WDFY3: variants seen among roughly 807,000 people sequenced by gnomAD.
The protein encoded by WDFY3 is WD repeat and FYVE domain containing 3.
Under a neutral mutation model 409.6 loss-of-function variants are expected in WDFY3, and 66 were observed. That is an observed-to-expected ratio of 0.16 (90% CI 0.13 to 0.20). The LOEUF is 0.20. WDFY3 is among the 10% of genes least tolerant of loss of function. The pLI is 1.00. For synonymous variants in WDFY3, 1,521 were observed against 1,537.1 expected (o/e 0.99, Z 0.25); for missense variants, 3,031 against 4,298.1 (o/e 0.71, Z 8.24).
rs750839668 is a variant in WDFY3, at chr4:84,787,563, C to A, written c.3820G>T (p.Val1274Phe). The change falls in exon 23 of 68, where the codon GTT becomes TTT. Residue 1274 changes from valine to phenylalanine, a missense_variant. This residue lies in a region of WDFY3 where 1,322 missense variants were observed against 1,697.9 expected (regional missense o/e 0.78). Coordinates refer to ENST00000295888, the MANE Select transcript of WDFY3 (RefSeq NM_014991.6). ...GTAGTAACATTTGAAGAAGGTAAAACTTCTTCTAGAAAATGTGTGGGTCCC... is the reference window on the plus strand; with the variant it reads ...GTAGTAACATTTGAAGAAGGTAAAAATTCTTCTAGAAAATGTGTGGGTCCC... ...RLGPTHFLEE[V>F]LPSSNVTTIY... 1 of 1,614,138 alleles carries A rather than the reference C, an allele frequency of 6.2e-7. No individual in the cohort carries two copies.
chr4:84,962,405 T>A (rs886558843), intron 1 of WDFY3, among the ~76,000 whole-genome samples: 1 of 152,202 alleles, frequency 6.6e-6, no homozygotes, highest in African/African-American at 2.4e-5. Flanking sequence ...GGCTACATAA[T>A]GTATAATTCC....
intron 3 of WDFY3, among the ~76,000 whole-genome samples, chr4:84,861,001 A>G (rs1402274817): frequency 6.6e-6 from 1 of 152,134 alleles, no homozygotes. Flanking sequence ...GCTCGAGCTC[A>G]GGAGCTCGAG....
chr4:84,860,675 G>T, intron 3 of WDFY3, 53 bp from the exon 4 acceptor site: 4 of 1,387,270 alleles, frequency 2.9e-6, no homozygotes, highest in Non-Finnish European at 3.8e-6. Flanking sequence ...TCTTGACTAG[G>T]TCAAGCATGC....
At chr4:84,783,159 G>C in intron 24 of WDFY3, 85 bp from the exon 25 acceptor site, 2 of 1,221,850 alleles carry the variant, frequency 1.6e-6, no homozygotes, top group Non-Finnish European at 2.4e-6. Context: ...CACATGAATG[G>C]TAACATATCT....
At chr4:84,898,769 G>A (rs1297530237) in intron 2 of WDFY3, among the ~76,000 whole-genome samples, 3 of 152,084 alleles carry the variant, frequency 2.0e-5, no homozygotes, top group Non-Finnish European at 4.4e-5. Flanking sequence ...CAACAAAATG[G>A]AAAGTGAATT....
chr4:84,769,508 G>C (rs946393785), intron 30 of WDFY3, among the ~76,000 whole-genome samples: 1 of 151,814 alleles, frequency 6.6e-6, no homozygotes, highest in African/African-American at 2.4e-5. Flanking sequence ...TCCGCCTCCT[G>C]GGTTAACGCC....
intron 21 of WDFY3, among the ~76,000 whole-genome samples, chr4:84,793,540 G>A (rs1010056042): frequency 3.9e-5 from 6 of 152,160 alleles, no homozygotes; most frequent in African/African-American, 1.4e-4. Flanking sequence ...GTGAAACACT[G>A]GAGAATACTA....
At chr4:84,839,590 G>GC (rs1416027411) in intron 6 of WDFY3, among the ~76,000 whole-genome samples, 24 of 152,038 alleles carry the variant, frequency 1.6e-4, no homozygotes, top group Admixed American at 1.5e-3. Flanking sequence ...AGGCACAGTG[G>GC]CTCACGCCTG....
intron 4 of WDFY3, among the ~76,000 whole-genome samples, chr4:84,850,928 GTTTTTTTTTTTTTTTTTTTTTTTTTT>G (rs869074191): frequency 2.2e-4 from 10 of 46,252 alleles, no homozygotes; most frequent in East Asian, 1.8e-3. Context: ...TTATTTATCT[GTTTTTTTTTTTTTTTTTTTTTTTTTT>G]TTTTTTTTTT....
chr4:84,776,944 T>C (rs1046587928), intron 27 of WDFY3, among the ~76,000 whole-genome samples: 4 of 152,028 alleles, frequency 2.6e-5, no homozygotes, highest in African/African-American at 4.8e-5. Flanking sequence ...TATCCTAGTA[T>C]GAATAGGAGA....
At chr4:84,785,742 TATAA>T (rs1273388165) in intron 24 of WDFY3, among the ~76,000 whole-genome samples, 3 of 152,230 alleles carry the variant, frequency 2.0e-5, no homozygotes, top group Non-Finnish European at 4.4e-5. Flanking sequence ...TAATTGCCAA[TATAA>T]ATAAATTAAT....
intron 47 of WDFY3, among the ~76,000 whole-genome samples, chr4:84,719,666 A>G: frequency 1.3e-5 from 2 of 152,336 alleles, no homozygotes; most frequent in Middle Eastern, 6.8e-3. Flanking sequence ...ACATACATAC[A>G]TACATATATT....
intron 27 of WDFY3, among the ~76,000 whole-genome samples, chr4:84,777,980 T>C (rs1298218739): frequency 6.6e-6 from 1 of 151,978 alleles, no homozygotes; most frequent in Non-Finnish European, 1.5e-5. Flanking sequence ...TTTGAAAGAA[T>C]GAGGTCCCAA....
rs1215135327 is a variant in WDFY3, at chr4:84,784,891, T to TACACACAC, written c.4062+1080_4062+1087dup. Among the ~76,000 whole-genome samples, 82 of 36,912 alleles carry TACACACAC rather than the reference T, an allele frequency of 2.2e-3. 5 individuals carry two copies. The highest frequency in any genetic ancestry group is 6.0e-3 in the African/African-American group (79 of 13,064). 24.2% of individuals were successfully genotyped at this position (36,912 alleles called of 152,430 possible). ...ATATATATATATATATATATATATA[T>TACACACAC]ACACACACACACACACACACACACA... On this transcript the variant is annotated intron_variant, in intron 24 of 67. Coordinates refer to ENST00000295888, the MANE Select transcript of WDFY3 (RefSeq NM_014991.6).
At chr4:84,924,759 T>C (rs532224461) in intron 2 of WDFY3, among the ~76,000 whole-genome samples, 16 of 152,306 alleles carry the variant, frequency 1.1e-4, no homozygotes, top group African/African-American at 3.8e-4. Context: ...GCTTAGCTAG[T>C]ATGTGGTATG....
At chr4:84,841,071 AATG>A in intron 6 of WDFY3, 80 bp downstream of exon 6, 1 of 1,075,348 alleles carries the variant, frequency 9.3e-7, no homozygotes, top group Non-Finnish European at 1.4e-6. Flanking sequence ...ATTTGGATAT[AATG>A]ATGAATTTAA....
intron 7 of WDFY3, among the ~76,000 whole-genome samples, chr4:84,834,209 A>G (rs1012967479): frequency 1.3e-5 from 2 of 152,232 alleles, no homozygotes; most frequent in Non-Finnish European, 2.9e-5. Flanking sequence ...TACAAATCAA[A>G]TCACTGTTCT....
intron 3 of WDFY3, among the ~76,000 whole-genome samples, chr4:84,895,375 C>T (rs1765499279): frequency 6.6e-6 from 1 of 152,230 alleles, no homozygotes; most frequent in African/African-American, 2.4e-5. Flanking sequence ...AAAGTAACAT[C>T]TGAACTAAGC....
At chr4:84,852,919 A>G (rs1759230758) in intron 4 of WDFY3, among the ~76,000 whole-genome samples, 1 of 151,882 alleles carries the variant, frequency 6.6e-6, no homozygotes, top group East Asian at 1.9e-4. Context: ...CACCACACTC[A>G]GCTGATTTTT....
Sources: gnomAD v4.1 joint callset for allele counts (sites outside exome capture counted in the v4.1 genomes callset) on GRCh38, gnomAD v4.1.1 for gene constraint, gnomAD v4.1.1 regional missense constraint, MANE v1.5 for transcripts, NCBI Gene and HGNC (gene_info 2026-07-23, HGNC 2026-07-21) for gene names.